PDZD2: variants seen among roughly 807,000 people sequenced by gnomAD.
PDZD2 encodes the protein PDZ domain containing 2.
Under a neutral mutation model 220.7 loss-of-function variants are expected in PDZD2, and 90 were observed. The ratio of observed to expected loss-of-function variants is 0.41; its 90% confidence interval spans 0.34 to 0.49. The LOEUF (loss-of-function observed/expected upper bound fraction) is 0.49. Ranked by LOEUF, PDZD2 falls within the 20% of genes least tolerant of loss-of-function variation. The pLI is 0.28. For missense variants in PDZD2, 3,174 were observed against 3,608.5 expected (o/e 0.88, Z 3.08); for synonymous variants, 1,375 against 1,450.5 (o/e 0.95, Z 1.18).
At chr5:31,775,297 C>A (rs1167677604) in intron 1 of PDZD2, among the ~76,000 whole-genome samples, 1 of 150,414 alleles carries the variant, frequency 6.6e-6, no homozygotes. Context: ...GGAGTGGATC[C>A]ACACTTTTTT....
At chr5:31,814,924 C>G (rs1001251117) in intron 2 of PDZD2, among the ~76,000 whole-genome samples, 6 of 151,920 alleles carry the variant, frequency 3.9e-5, no homozygotes, top group Admixed American at 6.6e-5. Flanking sequence ...GTAGAAGAAG[C>G]CTCCAGGTAG....
chr5:31,715,811 G>A (rs1748412098), intron 1 of PDZD2, among the ~76,000 whole-genome samples: 2 of 152,208 alleles, frequency 1.3e-5, no homozygotes, highest in African/African-American at 2.4e-5. Flanking sequence ...GGGAGTTTCT[G>A]ATGCCACCAT....
chr5:31,975,300 G>A (rs539999310), intron 2 of PDZD2, among the ~76,000 whole-genome samples: 1 of 152,200 alleles, frequency 6.6e-6, no homozygotes, highest in Non-Finnish European at 1.5e-5. Flanking sequence ...CAGCAGGCAA[G>A]AGAGCATGTG....
At chr5:32,020,443 C>CATGT (rs1391935970) in intron 6 of PDZD2, among the ~76,000 whole-genome samples, 1 of 152,180 alleles carries the variant, frequency 6.6e-6, no homozygotes, top group Admixed American at 6.5e-5. Context: ...ATTTTTGCAT[C>CATGT]ATGTATCTCA....
chr5:31,885,158 CA>C (rs397978491), intron 2 of PDZD2, among the ~76,000 whole-genome samples: 229 of 105,174 alleles, frequency 2.2e-3, no homozygotes, highest in Admixed American at 4.0e-3. Flanking sequence ...GTGCAAACGG[CA>C]AAAAAAAAAA....
chr5:31,775,273 C>G (rs945787394), intron 1 of PDZD2, among the ~76,000 whole-genome samples: 1 of 151,370 alleles, frequency 6.6e-6, no homozygotes, highest in African/African-American at 2.4e-5. Context: ...TTCCATAGAT[C>G]CTTGTCTGAG....
At chr5:31,657,879 G>A (rs1021968336) in intron 1 of PDZD2, among the ~76,000 whole-genome samples, 1 of 152,220 alleles carries the variant, frequency 6.6e-6, no homozygotes, top group African/African-American at 2.4e-5. Flanking sequence ...GTACAGGAAA[G>A]ATAATAGCTG....
chr5:31,681,462 G>A (rs1040058440), intron 1 of PDZD2, among the ~76,000 whole-genome samples: 3 of 152,042 alleles, frequency 2.0e-5, no homozygotes, highest in Non-Finnish European at 4.4e-5. Context: ...TGGTCTGGCT[G>A]GTCTTGAACT....
At chr5:31,836,891 G>A (rs183945709) in intron 2 of PDZD2, among the ~76,000 whole-genome samples, 28 of 152,058 alleles carry the variant, frequency 1.8e-4, no homozygotes, top group Non-Finnish European at 2.8e-4. Flanking sequence ...GATGGTGGGT[G>A]CCTGTAATCC....
At chr5:31,702,082 C>T (rs946694944) in intron 1 of PDZD2, among the ~76,000 whole-genome samples, 6 of 152,246 alleles carry the variant, frequency 3.9e-5, no homozygotes, top group Non-Finnish European at 5.9e-5. Context: ...TGCTGGCTGT[C>T]TCTCTATCCC....
At chr5:31,792,285 A>G (rs1023549561) in intron 1 of PDZD2, among the ~76,000 whole-genome samples, 47 of 152,238 alleles carry the variant, frequency 3.1e-4, no homozygotes, top group Middle Eastern at 3.2e-3. Flanking sequence ...CATCAGAAGC[A>G]GGCAGGCAGC....
intron 2 of PDZD2, among the ~76,000 whole-genome samples, chr5:31,888,244 G>T (rs1740701331): frequency 1.3e-5 from 2 of 151,198 alleles, no homozygotes; most frequent in Non-Finnish European, 2.9e-5. Flanking sequence ...CCAGGCTGGA[G>T]TGCAGTGCTA....
At chr5:31,988,315 GCTTT>G (rs1561274646) in intron 3 of PDZD2, among the ~76,000 whole-genome samples, 1 of 151,954 alleles carries the variant, frequency 6.6e-6, no homozygotes. Context: ...ATCTCTCACT[GCTTT>G]CTTTTTTTCT....
At chr5:32,072,890 T>TAAAATGTAAG (rs1256917821) in intron 17 of PDZD2, among the ~76,000 whole-genome samples, 1 of 152,204 alleles carries the variant, frequency 6.6e-6, no homozygotes, top group Non-Finnish European at 1.5e-5. Flanking sequence ...ATGGGCAACC[T>TAAAATGTAAG]GATGCCCTTA....
intron 1 of PDZD2, among the ~76,000 whole-genome samples, chr5:31,787,982 T>A (rs1753477423): frequency 6.6e-6 from 1 of 152,210 alleles, no homozygotes; most frequent in African/African-American, 2.4e-5. Flanking sequence ...CCTGGCAGAA[T>A]CAACCCTTGT....
intron 1 of PDZD2, among the ~76,000 whole-genome samples, chr5:31,722,133 G>A (rs147148882): frequency 2.0e-4 from 30 of 152,094 alleles, no homozygotes; most frequent in Admixed American, 7.9e-4. Context: ...TCTCTAGACC[G>A]TTCTCACTGT....
intron 6 of PDZD2, among the ~76,000 whole-genome samples, chr5:32,022,986 T>A (rs1307843206): frequency 6.6e-6 from 1 of 151,970 alleles, no homozygotes; most frequent in African/African-American, 2.4e-5. Context: ...CATTGAGAGG[T>A]AACCAGAGCC....
At chr5:32,004,107 G>T (rs1359403527) in intron 5 of PDZD2, among the ~76,000 whole-genome samples, 2 of 87,382 alleles carry the variant, frequency 2.3e-5, no homozygotes, top group Admixed American at 1.2e-4. Flanking sequence ...AAAAAAAGGT[G>T]GGGGGGCCAC....
chr5:32,090,497 G>C lies in PDZD2; in HGVS notation c.7049G>C (p.Arg2350Pro). 1 of 1,614,016 alleles carries C rather than the reference G, an allele frequency of 6.2e-7. No individual in the cohort carries two copies. Among genetic ancestry groups the C allele is most frequent in the East Asian group, 2.2e-5 (1 of 44,884 alleles). ...TTTGAGAACCTGGCCAATGCTGACC[G>C]GCCTGTAGCCAAGTCCGGGGCTTCC... ...KSFENLANAD[R>P]PVAKSGASPF... The change falls in exon 20 of 25, where the codon CGG becomes CCG. Residue 2350 changes from arginine (R) to proline (P), a missense_variant. By Grantham distance (103) the Arg-to-Pro change is moderately radical (BLOSUM62 -2). This residue lies in a region of PDZD2 where 631 missense variants were observed against 789.9 expected (regional missense o/e 0.80). Coordinates refer to ENST00000438447, the MANE Select transcript of PDZD2 (RefSeq NM_178140.4). The surrounding 1 kb of genome is among the most constrained non-coding windows in gnomAD (Gnocchi z 4.3).
Sources: allele counts gnomAD v4.1 joint callset (sites outside exome capture counted in the v4.1 genomes callset), GRCh38; gene constraint gnomAD v4.1.1; regional missense constraint gnomAD v4.1.1; non-coding constraint Gnocchi (gnomAD v3.1); transcripts MANE v1.5; gene names NCBI Gene and HGNC (gene_info 2026-07-23, HGNC 2026-07-21).